The following PRKCA variants were observed in gnomAD, a reference collection of about 807,000 sequenced individuals.
PRKCA encodes protein kinase C alpha, also known as protein kinase C alpha type.
In PRKCA, 27 loss-of-function variants were observed where a neutral mutation model predicts 87.0. That is an observed-to-expected ratio of 0.31 (90% CI 0.23 to 0.43). PRKCA has a LOEUF of 0.43. PRKCA is among the 20% of genes least tolerant of loss of function. The pLI is 1.00. For missense variants in PRKCA, 518 were observed against 852.3 expected, an observed-to-expected ratio of 0.61 and a Z score of 4.88; for synonymous variants, 329 against 311.1, an observed-to-expected ratio of 1.06 and a Z score of -0.61.
At chr17:66,515,490 G>A (rs1044643726) in intron 3 of PRKCA, among the ~76,000 whole-genome samples, 4 of 152,108 alleles carry the variant, frequency 2.6e-5, no homozygotes, top group Non-Finnish European at 4.4e-5. Flanking sequence ...TGAGTTTCTT[G>A]ATCTGCTGAT....
intron 3 of PRKCA, among the ~76,000 whole-genome samples, chr17:66,589,350 ATACT>A (rs1969723523): frequency 6.6e-6 from 1 of 152,200 alleles, no homozygotes; most frequent in African/African-American, 2.4e-5. Flanking sequence ...TGATCATAAA[ATACT>A]TATTTTAGAT....
chr17:66,413,670 A>G (rs947632652), intron 2 of PRKCA, among the ~76,000 whole-genome samples: 2 of 152,188 alleles, frequency 1.3e-5, no homozygotes, highest in African/African-American at 2.4e-5. Flanking sequence ...CCGGTCTCTC[A>G]GGAAATTACA....
rs1280562984 is a variant in PRKCA at position 66,607,529 on chromosome 17, C to CAAA, written c.289-33826_289-33825insAAA. 3.9e-5 allele frequency among the ~76,000 whole-genome samples: 6 copies of CAAA among 152,282 alleles called. No homozygotes were observed. In the South Asian group the frequency reaches 1.2e-3, roughly 32 times the overall value. ...TTTGGTCCAGTTTAGAAAATACCAC[C>CAAA]TCATTTTCTCCTCCCTTATGTCTTG... On this transcript the variant is annotated intron_variant, in intron 3 of 16. Transcript: ENST00000413366.
chr17:66,684,472 A>G (rs1972573385), intron 5 of PRKCA, among the ~76,000 whole-genome samples: 1 of 152,230 alleles, frequency 6.6e-6, no homozygotes. Context: ...CTGGCATGCC[A>G]TGAGTCACAC....
intron 2 of PRKCA, among the ~76,000 whole-genome samples, chr17:66,349,329 C>T (rs79620172): frequency 2.9e-3 from 446 of 152,048 alleles, no homozygotes; most frequent in Middle Eastern, 0.01. Flanking sequence ...TGCTGTTCTC[C>T]CCTGAGGATG....
chr17:66,791,659 C>T (rs768997316), intron 16 of PRKCA, among the ~76,000 whole-genome samples: 6 of 152,240 alleles, frequency 3.9e-5, no homozygotes, highest in African/African-American at 7.2e-5. Flanking sequence ...GGCACCACCG[C>T]CTTCAGCGGT....
intron 2 of PRKCA, among the ~76,000 whole-genome samples, chr17:66,449,133 T>TA (rs545381381): frequency 1.3e-4 from 20 of 150,670 alleles, no homozygotes; most frequent in African/African-American, 3.7e-4. Flanking sequence ...AAAAATGAAT[T>TA]AAAAAAATAG....
chr17:66,467,319 A>G (rs539713457), intron 2 of PRKCA, among the ~76,000 whole-genome samples: 40 of 152,308 alleles, frequency 2.6e-4, no homozygotes, highest in African/African-American at 9.4e-4. Context: ...ATGTAGCCAG[A>G]TGTCGTGTAG....
chr17:66,340,029 A>G (rs1452363040), intron 2 of PRKCA: 2 of 152,204 alleles, frequency 1.3e-5, no homozygotes, highest in Non-Finnish European at 2.9e-5. Flanking sequence ...AAGCCTTACC[A>G]TTTGATGTGC....
In PRKCA at chr17:66,427,212, C is replaced by T. The variant is rs544503412; in HGVS notation, c.206-68989C>T. ...ATGTCTGGCTAATTTTTGTATTTCT[C>T]GTAGAGACGAGGTTTTGCCATGTTA... On this transcript the variant is annotated intron_variant, in intron 2 of 16. Transcript: ENST00000413366. Among the ~76,000 whole-genome samples the T allele has an allele frequency of 2.6e-5, 4 of 152,086 alleles. No homozygotes were observed. The East Asian group carries it at 7.8e-4, about 29-fold the overall frequency.
intron 3 of PRKCA, chr17:66,554,662 G>T: frequency 1.9e-6 from 1 of 533,982 alleles, no homozygotes; most frequent in Non-Finnish European, 2.4e-6. Context: ...TGGATGTGAA[G>T]GGAGTTTGGT....
chr17:66,584,908 A>G (rs1969546007), intron 3 of PRKCA, among the ~76,000 whole-genome samples: 1 of 152,152 alleles, frequency 6.6e-6, no homozygotes. Flanking sequence ...CCTGAGGTTC[A>G]TTGCCTCATG....
chr17:66,729,082 A>C (rs1973823580), intron 8 of PRKCA, among the ~76,000 whole-genome samples: 1 of 152,182 alleles, frequency 6.6e-6, no homozygotes, highest in South Asian at 2.1e-4. Context: ...CGGTATTCTC[A>C]TCTCAAATTT....
At chr17:66,739,957 C>G (rs1974122245) in intron 11 of PRKCA, among the ~76,000 whole-genome samples, 1 of 152,012 alleles carries the variant, frequency 6.6e-6, no homozygotes, top group African/African-American at 2.4e-5. Flanking sequence ...TGGTGAGACC[C>G]TTTATAGATA....
At chr17:66,731,032 T>C (rs1202965495) in intron 8 of PRKCA, among the ~76,000 whole-genome samples, 1 of 152,132 alleles carries the variant, frequency 6.6e-6, no homozygotes, top group South Asian at 2.1e-4. Context: ...TAAGGTCTGC[T>C]GCACTAGGGA....
intron 10 of PRKCA, among the ~76,000 whole-genome samples, chr17:66,735,892 ATTTCTT>A (rs1168151246): frequency 1.0e-4 from 14 of 138,972 alleles, no homozygotes; most frequent in South Asian, 2.4e-4. Flanking sequence ...TTCGGCAAAC[ATTTCTT>A]TTTCTTTTTC....
At chr17:66,437,510 T>C (rs896028114) in intron 2 of PRKCA, among the ~76,000 whole-genome samples, 2 of 152,156 alleles carry the variant, frequency 1.3e-5, no homozygotes, top group African/African-American at 4.8e-5. Flanking sequence ...CCAGGAAACA[T>C]AACTTTTGGA....
At chr17:66,650,437 T>G (rs1485924774) in intron 5 of PRKCA, among the ~76,000 whole-genome samples, 1 of 151,328 alleles carries the variant, frequency 6.6e-6, no homozygotes, top group Non-Finnish European at 1.5e-5. Context: ...TTTATAGGAG[T>G]AGTAAAAAAA....
intron 2 of PRKCA, among the ~76,000 whole-genome samples, chr17:66,379,126 GT>G (rs1293041347): frequency 6.6e-6 from 1 of 152,100 alleles, no homozygotes; most frequent in Non-Finnish European, 1.5e-5. Flanking sequence ...TTGTGCATGA[GT>G]TTTTTTGTGG....
Sources: gnomAD v4.1 joint callset for allele counts (sites outside exome capture counted in the v4.1 genomes callset) on GRCh38, gnomAD v4.1.1 for gene constraint, MANE v1.5 for transcripts, NCBI Gene and HGNC (gene_info 2026-07-23, HGNC 2026-07-21) for gene names.